NAALADL2: variants seen among roughly 807,000 people sequenced by gnomAD.
NAALADL2 encodes the protein inactive N-acetylated-alpha-linked acidic dipeptidase-like protein 2.
A neutral mutation model predicts 87.2 loss-of-function variants in NAALADL2; 76 were observed. That is an observed-to-expected ratio of 0.87 (90% confidence interval 0.72 to 1.05). NAALADL2 has a LOEUF of 1.05. NAALADL2 is among the 50% of genes least tolerant of loss of function. NAALADL2 has a pLI of 0.00. For missense variants in NAALADL2, 1,089 were observed against 945.8 expected (o/e 1.15, Z -1.99); for synonymous variants, 354 against 331.0 (o/e 1.07, Z -0.75).
chr3:175,102,361 T>C (rs573809351), intron 2 of NAALADL2, among the ~76,000 whole-genome samples: 27 of 152,336 alleles, frequency 1.8e-4, no homozygotes, highest in African/African-American at 6.3e-4. Context: ...CCTTATTTTT[T>C]ATTTGTTTTT....
At chr3:174,969,429 C>A (rs376886325) in intron 1 of NAALADL2, among the ~76,000 whole-genome samples, 25 of 152,250 alleles carry the variant, frequency 1.6e-4, no homozygotes, top group African/African-American at 5.5e-4. Context: ...TTGTAATCTG[C>A]ACCATTAAAA....
chr3:175,179,814 G>A (rs2108977499), intron 2 of NAALADL2, among the ~76,000 whole-genome samples: 1 of 151,892 alleles, frequency 6.6e-6, no homozygotes, highest in South Asian at 2.1e-4. Context: ...AGCTAATTTA[G>A]CTTGATTTAT....
chr3:175,527,449 G>T (rs1163330379), intron 9 of NAALADL2, among the ~76,000 whole-genome samples: 2 of 152,058 alleles, frequency 1.3e-5, no homozygotes, highest in Non-Finnish European at 2.9e-5. Context: ...ATATACTTGA[G>T]AAATTATTGT....
chr3:175,766,268 AT>A (rs1748667058), intron 13 of NAALADL2, among the ~76,000 whole-genome samples: 1 of 152,102 alleles, frequency 6.6e-6, no homozygotes, highest in Non-Finnish European at 1.5e-5. Flanking sequence ...AAGTAGGCAT[AT>A]TTGTCTGCTA....
intron 2 of NAALADL2, among the ~76,000 whole-genome samples, chr3:174,552,739 T>C (rs1712274987): frequency 7.7e-6 from 1 of 129,640 alleles, no homozygotes. Flanking sequence ...GAGGCTGCAG[T>C]GAGGTGAGAT....
chr3:175,344,402 C>T (rs926611453), intron 5 of NAALADL2, among the ~76,000 whole-genome samples: 4 of 151,382 alleles, frequency 2.6e-5, no homozygotes, highest in African/African-American at 9.7e-5. Context: ...CTGGTTTCTA[C>T]ATTTACACAG....
chr3:175,700,200 TA>T (rs1439572287), intron 11 of NAALADL2, among the ~76,000 whole-genome samples: 3 of 152,146 alleles, frequency 2.0e-5, no homozygotes, highest in African/African-American at 4.8e-5. Context: ...TAGCTGTGTG[TA>T]AAAGTAAGAC....
intron 3 of NAALADL2, among the ~76,000 whole-genome samples, chr3:174,760,719 G>A (rs963525420): frequency 6.6e-6 from 1 of 152,174 alleles, no homozygotes; most frequent in East Asian, 1.9e-4. Context: ...CATTTCTAAT[G>A]TGTTTGGCTG....
intron 9 of NAALADL2, among the ~76,000 whole-genome samples, chr3:175,555,698 A>G (rs555861121): frequency 6.6e-6 from 1 of 152,310 alleles, no homozygotes; most frequent in East Asian, 1.9e-4. Context: ...CACACTACAC[A>G]TATATATGTA....
At chr3:174,525,550 T>A (rs536960388) in intron 1 of NAALADL2, among the ~76,000 whole-genome samples, 8 of 152,246 alleles carry the variant, frequency 5.3e-5, no homozygotes, top group African/African-American at 1.9e-4. Context: ...CATGATCCAG[T>A]CACCCCCCAA....
intron 2 of NAALADL2, among the ~76,000 whole-genome samples, chr3:174,679,420 CTTTT>C (rs1487298349): frequency 6.6e-6 from 1 of 152,062 alleles, no homozygotes; most frequent in African/African-American, 2.4e-5. Flanking sequence ...ATTTTAATCT[CTTTT>C]TATGTACAAT....
chr3:174,915,930 A>G (rs1174271487), intron 1 of NAALADL2, among the ~76,000 whole-genome samples: 2 of 152,268 alleles, frequency 1.3e-5, no homozygotes, highest in African/African-American at 2.4e-5. Context: ...TCAGCAGAGT[A>G]AACAGGCAAC....
intron 11 of NAALADL2, among the ~76,000 whole-genome samples, chr3:175,667,749 T>G (rs1474860424): frequency 1.3e-5 from 2 of 151,214 alleles, no homozygotes; most frequent in Non-Finnish European, 3.0e-5. Context: ...TGCTGTTTTT[T>G]TTTTTTTTTT....
At chr3:175,722,098 G>T (rs1188567961) in intron 11 of NAALADL2, among the ~76,000 whole-genome samples, 1 of 151,964 alleles carries the variant, frequency 6.6e-6, no homozygotes, top group Non-Finnish European at 1.5e-5. Context: ...AGAGCCTTAA[G>T]ACCTTAATCC....
chr3:174,940,184 C>A (rs1036197779), intron 1 of NAALADL2, among the ~76,000 whole-genome samples: 1 of 152,038 alleles, frequency 6.6e-6, no homozygotes, highest in Non-Finnish European at 1.5e-5. Context: ...GAGGCATGTT[C>A]CTTCGATATA....
At chr3:174,892,605 G>C (rs1355721103) in intron 1 of NAALADL2, among the ~76,000 whole-genome samples, 1 of 152,068 alleles carries the variant, frequency 6.6e-6, no homozygotes, top group Non-Finnish European at 1.5e-5. Context: ...CTGAAACTTA[G>C]AGAAAAATAT....
intron 1 of NAALADL2, among the ~76,000 whole-genome samples, chr3:174,949,191 G>C (rs187964963): frequency 4.1e-4 from 62 of 152,234 alleles, no homozygotes; most frequent in Non-Finnish European, 6.6e-4. Flanking sequence ...TTCAGCATAG[G>C]AATTTGGGGG....
intron 1 of NAALADL2, among the ~76,000 whole-genome samples, chr3:174,944,602 G>T (rs1739131208): frequency 6.6e-6 from 1 of 152,172 alleles, no homozygotes; most frequent in Non-Finnish European, 1.5e-5. Flanking sequence ...CTAACCCCCT[G>T]TTTTGTCATG....
At chr3:175,673,120 A>G (rs1734238642) in intron 11 of NAALADL2, among the ~76,000 whole-genome samples, 1 of 152,158 alleles carries the variant, frequency 6.6e-6, no homozygotes, top group Non-Finnish European at 1.5e-5. Context: ...TGTCTGCTCT[A>G]TCTCCAGCTG....
Sources: gnomAD v4.1 joint callset for allele counts (sites outside exome capture counted in the v4.1 genomes callset) on GRCh38, gnomAD v4.1.1 for gene constraint, MANE v1.5 for transcripts, NCBI Gene and HGNC (gene_info 2026-07-23, HGNC 2026-07-21) for gene names.